Variants in PPP2R3B observed in about 807,000 individuals in gnomAD.
The protein encoded by PPP2R3B is protein phosphatase 2 regulatory subunit B''beta, also known as serine/threonine-protein phosphatase 2A regulatory subunit B'' subunit beta.
Under a neutral mutation model 72.9 loss-of-function variants are expected in PPP2R3B, and 68 were observed. That is an observed-to-expected ratio of 0.93 (90% CI 0.77 to 1.14). PPP2R3B has a LOEUF of 1.14. PPP2R3B is among the 50% of genes most tolerant of loss of function. The pLI, the probability that PPP2R3B is intolerant of heterozygous loss-of-function variation, is 0.00. For synonymous variants in PPP2R3B, 466 were observed against 375.8 expected (o/e 1.24, Z -2.78); for missense variants, 1,018 against 842.0 (o/e 1.21, Z -2.59).
chrX:346,264 C>A lies in PPP2R3B; in HGVS notation c.793-4G>T. 1 of 1,562,984 alleles carries A rather than the reference C, an allele frequency of 6.4e-7. No individual in the cohort carries two copies. ...CGTAGAAGATCCGCTGGATGACCTG[C>A]GGGGGCGCTGTCAGTGCGGTGGGTG... is the stretch of plus-strand genomic sequence containing the variant. On this transcript the variant is annotated splice_polypyrimidine_tract_variant and splice_region_variant and intron_variant, in intron 5 of 12. Coordinates refer to ENST00000390665, the MANE Select transcript of PPP2R3B (RefSeq NM_013239.5).
chrX:337,665 C>G (rs1301687835), intron 12 of PPP2R3B: 1 of 152,312 alleles, frequency 6.6e-6, no homozygotes. Flanking sequence ...AGAATGGCCC[C>G]GACAGTTCCA....
chrX:362,012 C>T (rs1355486331), intron 1 of PPP2R3B, among the ~76,000 whole-genome samples: 4 of 152,172 alleles, frequency 2.6e-5, no homozygotes, highest in East Asian at 1.9e-4. Context: ...AGAGCTCAGA[C>T]GTGGAGAGGC....
In PPP2R3B at chrX:346,889, G is replaced by C. The variant is rs1267647780; in HGVS notation, c.718-114C>G. On this transcript the variant is annotated intron_variant, in intron 4 of 12. Transcript: ENST00000390665. ...CGTGAGCGATGAGGTGTGCGGTGTAGACGCCGGCCCTCCCGTGAGGGATGA... is the reference window on the plus strand; with the variant it reads ...CGTGAGCGATGAGGTGTGCGGTGTACACGCCGGCCCTCCCGTGAGGGATGA... The C allele has an allele frequency of 1.2e-5, 12 of 1,009,834 alleles. No homozygotes were observed. In the East Asian group the frequency reaches 2.9e-4, roughly 24 times the overall value. The allele number at this position is 1,009,834 out of a possible 1,614,324, so 62.6% of individuals were successfully genotyped here.
chrX:351,860 G>A (rs1427564751), intron 2 of PPP2R3B, among the ~76,000 whole-genome samples: 2 of 152,108 alleles, frequency 1.3e-5, no homozygotes, highest in Admixed American at 1.3e-4. Context: ...ATCATGCCTG[G>A]GTAATTTTTT....
chrX:383,020 G>A (rs1356078373), intron 1 of PPP2R3B, among the ~76,000 whole-genome samples: 1 of 152,198 alleles, frequency 6.6e-6, no homozygotes, highest in Non-Finnish European at 1.5e-5. Context: ...AGGTTTTGCA[G>A]CTCACTGGGA....
At chrX:338,737 ACGGCGTGGCG>A in intron 11 of PPP2R3B, 27 bp from the exon 12 acceptor site, 1 of 1,611,712 alleles carries the variant, frequency 6.2e-7, no homozygotes, top group East Asian at 2.2e-5. Context: ...GGTTACGTAC[ACGGCGTGGCG>A]CGGCCCGGCC....
At chrX:335,706 G>A (rs28654078) in intron 12 of PPP2R3B, 49,232 of 152,120 alleles carry the variant, frequency 0.32, 8,345 homozygotes, top group Middle Eastern at 0.38. Context: ...CCTGGGAAGA[G>A]GAGTGAACCT....
intron 9 of PPP2R3B, among the ~76,000 whole-genome samples, 169 bp downstream of exon 9, chrX:341,137 CA>C (rs1283229160): frequency 7.9e-4 from 9 of 11,342 alleles, no homozygotes; most frequent in East Asian, 3.0e-3. Context: ...CAGCCCCCAC[CA>C]GGCGTGCACA....
At chrX:386,298 G>T in intron 1 of PPP2R3B, 70 bp downstream of exon 1, 1 of 1,228,746 alleles carries the variant, frequency 8.1e-7, no homozygotes, top group Non-Finnish European at 1.0e-6. Flanking sequence ...AGCCTCCATC[G>T]CGCAGCCACA....
intron 1 of PPP2R3B, chrX:373,771 T>C (rs944644361): frequency 3.3e-5 from 5 of 149,634 alleles, no homozygotes; most frequent in African/African-American, 1.2e-4. Flanking sequence ...GCGCGCTCCA[T>C]GCGTCGCCCG....
chrX:373,040 G>A (rs2071900515), intron 1 of PPP2R3B, among the ~76,000 whole-genome samples: 1 of 152,228 alleles, frequency 6.6e-6, no homozygotes, highest in African/African-American at 2.4e-5. Context: ...AAGTTAGCCA[G>A]TGGGAAGGAA....
At position 361,663 on chromosome X, in the gene PPP2R3B, G is replaced by A. The variant is rs748230281; in HGVS notation, c.325-73C>T. ...CGCCTTCTTCACCCGGACAACACAC[G>A]GGGCCTCTCTAGGGCCGACAGTGCT... On this transcript the variant is annotated intron_variant, in intron 1 of 12. Coordinates refer to ENST00000390665, the MANE Select transcript of PPP2R3B (RefSeq NM_013239.5). 245 of 1,567,054 alleles carry A rather than the reference G, an allele frequency of 1.6e-4. 1 individual carries two copies. The highest frequency in any genetic ancestry group is 8.4e-5 in the Non-Finnish European group (97 of 1,148,536).
intron 1 of PPP2R3B, among the ~76,000 whole-genome samples, chrX:369,269 G>A (rs931530794): frequency 4.6e-5 from 7 of 152,190 alleles, no homozygotes; most frequent in African/African-American, 1.7e-4. Flanking sequence ...ACAAACCAGA[G>A]GGGCCTGTGG....
chrX:335,354 C>CA (rs1342118721), intron 12 of PPP2R3B: 4 of 152,434 alleles, frequency 2.6e-5, no homozygotes, highest in African/African-American at 9.6e-5. Context: ...CAGGAGAAGG[C>CA]AGAGACTGGG....
chrX:339,339 C>T (rs1249976528), intron 10 of PPP2R3B, among the ~76,000 whole-genome samples: 1 of 121,348 alleles, frequency 8.2e-6, no homozygotes, highest in Non-Finnish European at 1.7e-5. Flanking sequence ...AGTCCCAGAG[C>T]TGGATTCTGA....
At chrX:362,768 A>G (rs1190662378) in intron 1 of PPP2R3B, among the ~76,000 whole-genome samples, 2 of 152,094 alleles carry the variant, frequency 1.3e-5, no homozygotes. Flanking sequence ...CAGTGTCCAC[A>G]CAGAGAAAAC....
In PPP2R3B at chrX:345,376, G is replaced by C. The variant is rs117686511; in HGVS notation, c.1036+140C>G. 9.8e-4 allele frequency: 1,159 copies of C among 1,183,182 alleles called. 9 individuals are homozygous for C. The African/African-American group carries it at 0.016, about 16-fold the overall frequency. 73.3% of individuals were successfully genotyped at this position (1,183,182 alleles called of 1,614,324 possible). On this transcript the variant is annotated intron_variant, in intron 7 of 12. Coordinates refer to ENST00000390665, the MANE Select transcript of PPP2R3B (RefSeq NM_013239.5). Reference sequence around the variant, plus strand: ...GGAAGGAGAGGCAGCTGCAGACACAGAGCGGCGAGTGCGAAGGAGAGGCAG... The same window carrying C: ...GGAAGGAGAGGCAGCTGCAGACACACAGCGGCGAGTGCGAAGGAGAGGCAG...
chrX:362,511 C>T (rs1220856829), intron 1 of PPP2R3B, among the ~76,000 whole-genome samples: 1 of 151,306 alleles, frequency 6.6e-6, no homozygotes, highest in East Asian at 2.0e-4. Flanking sequence ...CGGGACGAGG[C>T]TTCGTCCTCC....
chrX:363,556 G>A (rs73178049), intron 1 of PPP2R3B, among the ~76,000 whole-genome samples: 130 of 13,002 alleles, frequency 1.0e-2, no homozygotes, highest in South Asian at 0.014. Flanking sequence ...CGATCCCGCA[G>A]TGCATCTCCA....
Sources: allele counts gnomAD v4.1 joint callset (sites outside exome capture counted in the v4.1 genomes callset), GRCh38; gene constraint gnomAD v4.1.1; transcripts MANE v1.5; gene names NCBI Gene and HGNC (gene_info 2026-07-23, HGNC 2026-07-21).